Variants in MYLK observed in about 807,000 individuals in gnomAD.
MYLK encodes the protein myosin light chain kinase, smooth muscle.
MYLK carries 106 observed loss-of-function variants against 203.4 expected under a neutral mutation model. The ratio of observed to expected loss-of-function variants is 0.52; its 90% CI spans 0.45 to 0.61. The LOEUF (loss-of-function observed/expected upper bound fraction) is 0.61, where lower values mean the gene tolerates loss of function less well. MYLK is among the 20% of genes least tolerant of loss of function. The probability of loss-of-function intolerance (pLI) is 0.00; values close to 1 mark genes in which losing one functional copy is unlikely to be tolerated. For synonymous variants in MYLK, 867 were observed against 959.5 expected, an observed-to-expected ratio of 0.90 and a Z score of 1.78; for missense variants, 2,072 against 2,442.3, an observed-to-expected ratio of 0.85 and a Z score of 3.20.
chr3:123,699,950 C>G, intron 18 of MYLK, 70 bp downstream of exon 18: 1 of 1,607,478 alleles, frequency 6.2e-7, no homozygotes, highest in Non-Finnish European at 8.5e-7. Context: ...TCAGCGAGAC[C>G]AACGCTCCAT....
chr3:123,872,234 G>A (rs1270834397), intron 2 of MYLK, among the ~76,000 whole-genome samples: 1 of 152,168 alleles, frequency 6.6e-6, no homozygotes, highest in Non-Finnish European at 1.5e-5. Context: ...GTTGAATAAA[G>A]TACCTTATGG....
chr3:123,853,143 TG>T (rs1401947181), intron 2 of MYLK, among the ~76,000 whole-genome samples: 1 of 151,934 alleles, frequency 6.6e-6, no homozygotes, highest in African/African-American at 2.4e-5. Flanking sequence ...AAAAAAATTG[TG>T]GGTGTAGTTT....
At chr3:123,632,145 G>T (rs1023199187) in intron 29 of MYLK, among the ~76,000 whole-genome samples, 5 of 152,022 alleles carry the variant, frequency 3.3e-5, no homozygotes, top group African/African-American at 9.7e-5. Context: ...AAAGTGCTGG[G>T]ATTACAGGCA....
intron 2 of MYLK, among the ~76,000 whole-genome samples, chr3:123,849,747 AT>A (rs200337881): frequency 5.5e-4 from 83 of 151,318 alleles, no homozygotes; most frequent in Middle Eastern, 3.4e-3. Context: ...ACATTTATTC[AT>A]TTTTTTTTAT....
At chr3:123,825,205 C>G (rs1336261266) in intron 3 of MYLK, among the ~76,000 whole-genome samples, 3 of 151,730 alleles carry the variant, frequency 2.0e-5, no homozygotes, top group Non-Finnish European at 4.4e-5. Context: ...CCACTGACAT[C>G]TCTGAAAATA....
chr3:123,831,619 T>C lies in MYLK; in HGVS notation c.-75A>G, dbSNP rs75245913. The C allele has an allele frequency of 1.2e-3, 359 of 292,316 alleles. 7 individuals carry two copies. The highest frequency in any genetic ancestry group is 9.6e-3 in the South Asian group (274 of 28,550). The allele number at this position is 292,316 out of a possible 1,614,324, so 18.1% of individuals were successfully genotyped here. On this transcript the variant is annotated 5_prime_UTR_variant, in exon 3 of 34. Transcript: ENST00000360304. The stretch of plus-strand genomic sequence containing the variant: ...GGAAAGGCGTCCTGAAGCTCTCGGC[T>C]GGGAAGCTCCTGAAGTTGCTCTGAA...
At chr3:123,710,102 C>G (rs1304764495) in intron 13 of MYLK, among the ~76,000 whole-genome samples, 1 of 152,070 alleles carries the variant, frequency 6.6e-6, no homozygotes, top group Non-Finnish European at 1.5e-5. Flanking sequence ...ATGTTCTTGC[C>G]TGATAGCCAG....
chr3:123,624,690 C>G (rs1341881487), intron 31 of MYLK: 1 of 152,246 alleles, frequency 6.6e-6, no homozygotes, highest in Non-Finnish European at 1.5e-5. Flanking sequence ...ATTTGCTACT[C>G]AGATCCTAGT....
intron 24 of MYLK, among the ~76,000 whole-genome samples, chr3:123,651,527 G>A (rs2059210640): frequency 6.6e-6 from 1 of 152,142 alleles, no homozygotes; most frequent in East Asian, 1.9e-4. Flanking sequence ...TTCACCAGTT[G>A]AGTCATCCTT....
At chr3:123,788,052 G>T (rs879824462) in intron 4 of MYLK, among the ~76,000 whole-genome samples, 1 of 152,136 alleles carries the variant, frequency 6.6e-6, no homozygotes, top group Non-Finnish European at 1.5e-5. Context: ...CATGCAAGGG[G>T]AACCATCCAA....
At chr3:123,713,665 T>C (rs820343) in intron 13 of MYLK, among the ~76,000 whole-genome samples, 142,350 of 148,102 alleles carry the variant, frequency 0.96, 68,373 homozygotes, top group Non-Finnish European at 0.99. Context: ...CAAATTATTC[T>C]GGCTCATCTC....
Position 123,769,809 on chromosome 3 carries a change from A to G in MYLK, c.166-17271T>C, listed in dbSNP as rs550081027. Among the ~76,000 whole-genome samples the G allele has an allele frequency of 7.2e-5, 11 of 152,332 alleles. No individual in the cohort carries two copies. The South Asian group carries it at 2.3e-3, about 32-fold the overall frequency. ...AATGACTGGCACATAGTAGGTGATC[A>G]ATAAGTATTTTTAAATTAATGTCAT... On this transcript the variant is annotated intron_variant, in intron 4 of 33. Coordinates refer to ENST00000360304, the MANE Select transcript of MYLK (RefSeq NM_053025.4).
At position 123,733,803 on chromosome 3, in the gene MYLK, G is replaced by C. The variant is rs1448110341; in HGVS notation, c.1193C>G (p.Ala398Gly). The C allele has an allele frequency of 6.2e-7, 1 of 1,614,250 alleles. No individual in the cohort carries two copies. The highest frequency in any genetic ancestry group is 1.7e-5 in the Admixed American group (1 of 60,034). ...GLGSQDVVSKAANRRIPMEGQ... is the reference protein window; with the variant it reads ...GLGSQDVVSKGANRRIPMEGQ... ...CTCCATGGGGATTCTCCTGTTAGCA[G>C]CCTTGCTCACAACATCTTGGCTCCC... The change falls in exon 10 of 34, where the codon GCT becomes GGT. Residue 398 changes from alanine (A) to glycine (G), a missense_variant. Around this residue, in one of 3 missense-constraint regions of MYLK, gnomAD observed 683 missense variants for 643.8 expected, o/e 1.06. Transcript: ENST00000360304.
chr3:123,805,205 G>A (rs139759867), intron 3 of MYLK, among the ~76,000 whole-genome samples: 650 of 152,318 alleles, frequency 4.3e-3, no homozygotes, highest in Non-Finnish European at 7.4e-3. Flanking sequence ...AATGAGACAT[G>A]AGCCAACCTG....
At chr3:123,789,100 G>A (rs1385599012) in intron 4 of MYLK, among the ~76,000 whole-genome samples, 1 of 152,084 alleles carries the variant, frequency 6.6e-6, no homozygotes, top group African/African-American at 2.4e-5. Context: ...GAGCAGCTAG[G>A]GGTGTTTCCA....
intron 4 of MYLK, among the ~76,000 whole-genome samples, chr3:123,780,162 G>A (rs766813141): frequency 3.9e-5 from 6 of 152,116 alleles, no homozygotes; most frequent in Admixed American, 6.5e-5. Context: ...GGTTGGGCGC[G>A]GTGGCTCATG....
intron 28 of MYLK, chr3:123,639,148 G>A: frequency 1.2e-6 from 1 of 800,994 alleles, no homozygotes; most frequent in Non-Finnish European, 1.5e-6. Flanking sequence ...TGGCCTATTT[G>A]TTTAATTTAT....
chr3:123,705,240 C>T (rs1490469809), intron 16 of MYLK, among the ~76,000 whole-genome samples: 2 of 152,164 alleles, frequency 1.3e-5, no homozygotes, highest in African/African-American at 4.8e-5. Flanking sequence ...AGGCCTGCCA[C>T]GTACCCTCAG....
At position 123,721,583 on chromosome 3, in the gene MYLK, G is replaced by A. The variant is rs3907062; in HGVS notation, c.1804+545C>T. Reference sequence around the variant, plus strand: ...AACAAGCCTGGGCCCGTGAGTAGAAGGGGGGCAGAAAGGGGACAACCTGTG... The same window carrying A: ...AACAAGCCTGGGCCCGTGAGTAGAAAGGGGGCAGAAAGGGGACAACCTGTG... On this transcript the variant is annotated intron_variant, in intron 13 of 33. Transcript: ENST00000360304. Among the ~76,000 whole-genome samples, 34 of 152,098 alleles carry A rather than the reference G, an allele frequency of 2.2e-4. No homozygotes were observed. In the East Asian group the frequency reaches 4.8e-3, roughly 22 times the overall value.
Sources: allele counts gnomAD v4.1 joint callset (sites outside exome capture counted in the v4.1 genomes callset), GRCh38; gene constraint gnomAD v4.1.1; regional missense constraint gnomAD v4.1.1; transcripts MANE v1.5; gene names NCBI Gene and HGNC (gene_info 2026-07-23, HGNC 2026-07-21).